The following VPS13A variants were observed in gnomAD, a reference collection of about 807,000 sequenced individuals.
VPS13A encodes vacuolar protein sorting 13 homolog A.
In VPS13A, 264 loss-of-function variants were observed where a neutral mutation model predicts 390.9. The observed-to-expected ratio is 0.68, with a 90% CI of 0.61 to 0.75. The LOEUF (loss-of-function observed/expected upper bound fraction) is 0.75. Ranked by LOEUF, VPS13A falls within the 30% of genes least tolerant of loss-of-function variation. The pLI, the probability that VPS13A is intolerant of heterozygous loss-of-function variation, is 0.00. For missense variants in VPS13A, 3,409 were observed against 3,733.9 expected (o/e 0.91, Z 2.27); for synonymous variants, 1,231 against 1,227.1 (o/e 1.00, Z -0.07).
chr9:77,280,847 G>A (rs778813159), intron 27 of VPS13A, among the ~76,000 whole-genome samples: 2 of 151,950 alleles, frequency 1.3e-5, no homozygotes, highest in African/African-American at 4.8e-5. Context: ...GATTTTTGTT[G>A]TATATGCATT....
chr9:77,382,193 GC>G (rs1326827573), intron 68 of VPS13A, 106 bp downstream of exon 68: 2 of 1,327,184 alleles, frequency 1.5e-6, no homozygotes, highest in Non-Finnish European at 2.0e-6. Context: ...TATCTATTTT[GC>G]TTAATTCCAC....
At chr9:77,341,481 G>A (rs1365679087) in intron 50 of VPS13A, among the ~76,000 whole-genome samples, 1 of 151,940 alleles carries the variant, frequency 6.6e-6, no homozygotes, top group Non-Finnish European at 1.5e-5. Flanking sequence ...CTAGATCTGT[G>A]GATTAATGTA....
At chr9:77,263,956 C>T (rs779533435) in intron 23 of VPS13A, among the ~76,000 whole-genome samples, 2 of 152,144 alleles carry the variant, frequency 1.3e-5, no homozygotes, top group Non-Finnish European at 2.9e-5. Context: ...TTTCAGTTTT[C>T]TGCATATGGC....
At position 77,283,590 on chromosome 9, in the gene VPS13A, A is replaced by G; in HGVS notation, c.3279A>G (p.Ile1093Met). The G allele has an allele frequency of 6.2e-7, 1 of 1,613,574 alleles. No homozygotes were observed. Among genetic ancestry groups the G allele is most frequent in the Non-Finnish European group, 8.5e-7 (1 of 1,179,700 alleles). ...EMIMRPSETE[I>M]NAKLRNIIVL... ...TTATGAGGCCTTCAGAAACTGAAAT[A>G]AACGCAAAGCTAAGGAATATAATTG... The change falls in exon 31 of 72, where the codon ATA (isoleucine) becomes ATG (methionine). Residue 1093 changes from isoleucine (I) to methionine (M), a missense_variant. This residue lies in a region of VPS13A where 2,717 missense variants were observed against 2,917.4 expected (regional missense o/e 0.93). Transcript: ENST00000360280.
At chr9:77,252,649 A>G (rs554921751) in intron 22 of VPS13A, among the ~76,000 whole-genome samples, 30 of 152,052 alleles carry the variant, frequency 2.0e-4, no homozygotes, top group Admixed American at 1.4e-3. Context: ...ACCCCATTTC[A>G]CCCTGCACCC....
At chr9:77,209,279 CT>C in intron 5 of VPS13A, 143 bp from the exon 6 acceptor site, 1 of 629,636 alleles carries the variant, frequency 1.6e-6, no homozygotes, top group East Asian at 2.8e-5. Context: ...TTTTGAAAGA[CT>C]TTTGGAAAGC....
Position 77,323,157 on chromosome 9 carries a change from A to G in VPS13A, c.5921A>G (p.Glu1974Gly). The G allele has an allele frequency of 6.2e-7, 1 of 1,613,612 alleles. No individual in the cohort carries two copies. Among genetic ancestry groups the G allele is most frequent in the South Asian group, 1.1e-5 (1 of 91,072 alleles). The change falls in exon 45 of 72, where the codon GAA becomes GGA. Residue 1974 changes from glutamate to glycine, a missense_variant. Glu to Gly is a moderately conservative substitution (Grantham distance 98). Transcript: ENST00000360280. ...YTVRHRESGV[E>G]RSIVCQIDTV... is the part of the protein sequence containing the mutation. ...GTAAGACACAGAGAGTCTGGCGTTGAAAGATCTATTGTTTGTCAAATTGAT... is the reference window on the plus strand; with the variant it reads ...GTAAGACACAGAGAGTCTGGCGTTGGAAGATCTATTGTTTGTCAAATTGAT...
intron 52 of VPS13A, among the ~76,000 whole-genome samples, chr9:77,346,507 C>G (rs550795141): frequency 6.6e-6 from 1 of 152,250 alleles, no homozygotes; most frequent in Admixed American, 6.5e-5. Flanking sequence ...ATTCCTTTTG[C>G]TGTGCAGTAG....
chr9:77,260,026 T>A (rs1483762694), intron 22 of VPS13A, 60 bp from the exon 23 acceptor site: 5 of 1,076,426 alleles, frequency 4.6e-6, no homozygotes, highest in African/African-American at 3.2e-5. Context: ...TCTTTTTAAT[T>A]AGTGCACTTA....
In VPS13A at chr9:77,275,574, T is replaced by A; in HGVS notation, c.2589T>A (p.Ser863Arg). Reference protein sequence around the residue: ...EPLQFPTGVKSIRTRKLQKQD... With the variant: ...EPLQFPTGVKRIRTRKLQKQD... ...TTCAGTTTCCAACTGGAGTTAAAAG[T>A]ATTCGAACCAGAAAGTTACAAAAGC... The change falls in exon 25 of 72, where the codon AGT becomes AGA. Residue 863 changes from serine (S) to arginine (R), a missense_variant. By Grantham distance (110) the Ser-to-Arg change is moderately radical (BLOSUM62 -1). This residue lies in a region of VPS13A where 2,717 missense variants were observed against 2,917.4 expected (regional missense o/e 0.93). Transcript: ENST00000360280. The A allele has an allele frequency of 6.2e-7, 1 of 1,613,778 alleles. No individual in the cohort carries two copies. Among genetic ancestry groups the A allele is most frequent in the East Asian group, 2.2e-5 (1 of 44,810 alleles).
chr9:77,294,897 G>A (rs1208290269), intron 32 of VPS13A, among the ~76,000 whole-genome samples: 1 of 151,646 alleles, frequency 6.6e-6, no homozygotes, highest in Non-Finnish European at 1.5e-5. Context: ...TTTAAGACAC[G>A]ATCTCGCTGT....
chr9:77,231,561 C>T (rs780075656), intron 17 of VPS13A, among the ~76,000 whole-genome samples: 7 of 151,814 alleles, frequency 4.6e-5, no homozygotes, highest in African/African-American at 1.7e-4. Flanking sequence ...TGGATATTGG[C>T]CCTTTGTATA....
At position 77,238,258 on chromosome 9, in the gene VPS13A, G is replaced by A. The variant is rs539860148; in HGVS notation, c.1786-14G>A. The A allele has an allele frequency of 1.2e-6, 2 of 1,609,960 alleles. 1 individual carries two copies. The highest frequency in any genetic ancestry group is 2.2e-5 in the South Asian group (2 of 90,994). ...TTTGCTTTGAGTTTGTGTTAATGAT[G>A]TTTATTTTAACAGAGGACAGTGAAT... On this transcript the variant is annotated splice_polypyrimidine_tract_variant and intron_variant, in intron 18 of 71. Transcript: ENST00000360280.
chr9:77,239,693 T>C (rs1824356038), intron 19 of VPS13A, among the ~76,000 whole-genome samples: 1 of 151,942 alleles, frequency 6.6e-6, no homozygotes, highest in Non-Finnish European at 1.5e-5. Context: ...TTTTTATTTA[T>C]ATCTACTTTT....
At chr9:77,308,119 T>A (rs1194050360) in intron 35 of VPS13A, 21 bp downstream of exon 35, 1 of 1,612,804 alleles carries the variant, frequency 6.2e-7, no homozygotes, top group Non-Finnish European at 8.5e-7. Context: ...AACTTCAAAT[T>A]TCTTTCTGCT....
At chr9:77,309,110 A>G (rs1242853365) in intron 35 of VPS13A, among the ~76,000 whole-genome samples, 1 of 152,204 alleles carries the variant, frequency 6.6e-6, no homozygotes, top group African/African-American at 2.4e-5. Flanking sequence ...TTCTAAGAGG[A>G]TTTTGAGAAG....
rs1453197615 is a variant in VPS13A at position 77,314,007 on chromosome 9, C to T, written c.4130C>T (p.Thr1377Ile). The T allele has an allele frequency of 1.2e-6, 2 of 1,612,924 alleles. No individual in the cohort carries two copies. The highest frequency in any genetic ancestry group is 1.7e-5 in the Admixed American group (1 of 59,918). ...SHHSGGATVVTAAVVEVHSRA... is the reference protein window; with the variant it reads ...SHHSGGATVVIAAVVEVHSRA... The stretch of plus-strand genomic sequence containing the variant: ...TTTTTTCAAGGAGCAACTGTGGTGA[C>T]AGCTGCTGTGGTAGAAGTACATTCA... Residue 1377 changes from threonine to isoleucine, a missense_variant, in exon 36 of 72, where the codon ACA becomes ATA. By Grantham distance (89) the Thr-to-Ile change is moderately conservative (BLOSUM62 -1). This residue lies in a region of VPS13A where 2,717 missense variants were observed against 2,917.4 expected (regional missense o/e 0.93). Coordinates refer to ENST00000360280, the MANE Select transcript of VPS13A (RefSeq NM_033305.3).
chr9:77,185,657 C>T (rs1044284652), intron 1 of VPS13A, among the ~76,000 whole-genome samples: 1 of 152,078 alleles, frequency 6.6e-6, no homozygotes, highest in Admixed American at 6.5e-5. Context: ...TACTTGTTTC[C>T]TTTTTAAACA....
At chr9:77,398,945 C>T (rs1285278335) in intron 68 of VPS13A, among the ~76,000 whole-genome samples, 7 of 137,034 alleles carry the variant, frequency 5.1e-5, no homozygotes, top group Non-Finnish European at 9.1e-5. Flanking sequence ...CATATTCTCA[C>T]TCATAGGTGG....
Sources: allele counts gnomAD v4.1 joint callset (sites outside exome capture counted in the v4.1 genomes callset), GRCh38; gene constraint gnomAD v4.1.1; regional missense constraint gnomAD v4.1.1; transcripts MANE v1.5; gene names NCBI Gene and HGNC (gene_info 2026-07-23, HGNC 2026-07-21).